The following TEX101 variants were observed in gnomAD, a reference collection of about 807,000 sequenced individuals.
TEX101 encodes testis-expressed protein 101.
TEX101 carries 10 observed loss-of-function variants against 18.1 expected under a neutral mutation model. The ratio of observed to expected loss-of-function variants is 0.55; its 90% CI spans 0.34 to 0.94. The LOEUF is 0.94. Ranked by LOEUF, TEX101 falls within the 40% of genes least tolerant of loss-of-function variation. TEX101 has a pLI of 0.02. For missense variants in TEX101, 259 were observed against 298.9 expected (o/e 0.87, Z 0.98); for synonymous variants, 94 against 114.8 (o/e 0.82, Z 1.16).
chr19:43,418,547 G>C lies in TEX101; in HGVS notation c.*150G>C. On this transcript the variant is annotated 3_prime_UTR_variant, in exon 6 of 6. Transcript: ENST00000598265. ...ATTTGACATTTTTAATACAATTTCT[G>C]CTATAATTTTTGTATGCAGTAGGCG... 2 of 671,454 alleles carry C rather than the reference G, an allele frequency of 3.0e-6. No individual in the cohort carries two copies. The highest frequency in any genetic ancestry group is 3.6e-5 in the African/African-American group (2 of 55,188). 41.6% of individuals were successfully genotyped at this position (671,454 alleles called of 1,614,324 possible). A position where few individuals can be genotyped will look rare whatever the true frequency, so the allele number is the denominator to read the frequency against.
the TEX101 span, among the ~76,000 whole-genome samples, chr19:43,389,162 G>C: frequency 6.6e-6 from 1 of 152,182 alleles, no homozygotes; most frequent in East Asian, 1.9e-4. Flanking sequence ...GGTGGAACAC[G>C]GTACATATTC....
chr19:43,414,904 C>G lies in TEX101; in HGVS notation c.-174C>G. The G allele has an allele frequency of 2.0e-6, 2 of 985,478 alleles. No individual in the cohort carries two copies. The highest frequency in any genetic ancestry group is 2.4e-6 in the Non-Finnish European group (2 of 829,960). The allele number at this position is 985,478 out of a possible 1,614,324, so 61.0% of individuals were successfully genotyped here. On this transcript the variant is annotated 5_prime_UTR_variant, in exon 1 of 6. Coordinates refer to ENST00000598265, the MANE Select transcript of TEX101 (RefSeq NM_001130011.3). Reference sequence around the variant, plus strand: ...CCTTGCGTCGTAAGAGAATGCCAAGCCCGGGGAGAAGGCGTTCCGGGCCTC... The same window carrying G: ...CCTTGCGTCGTAAGAGAATGCCAAGGCCGGGGAGAAGGCGTTCCGGGCCTC...
upstream of TEX101, among the ~76,000 whole-genome samples, chr19:43,413,437 G>A (rs558980954): frequency 6.6e-6 from 1 of 150,530 alleles, no homozygotes; most frequent in South Asian, 2.1e-4. Context: ...GGGAGGCAGA[G>A]CTTGCAGTGA....
the TEX101 span, among the ~76,000 whole-genome samples, chr19:43,389,243 C>G: frequency 6.6e-6 from 1 of 152,208 alleles, no homozygotes; most frequent in Non-Finnish European, 1.5e-5. Flanking sequence ...AAGGAGGAAG[C>G]CGGAAAGTTC....
At chr19:43,392,668 G>T in the TEX101 span, among the ~76,000 whole-genome samples, 125 of 152,186 alleles carry the variant, frequency 8.2e-4, no homozygotes, top group Non-Finnish European at 1.3e-3. Flanking sequence ...AGACACAGAG[G>T]GAAAGAGACC....
At chr19:43,399,096 A>G (rs750020101), upstream of TEX101, among the ~76,000 whole-genome samples, 12 of 152,156 alleles carry the variant, frequency 7.9e-5, no homozygotes, top group Admixed American at 4.6e-4. Flanking sequence ...GAATGCCCAC[A>G]TTCTGAATTT....
chr19:43,415,232 TGGGG>T, intron 1 of TEX101, among the ~76,000 whole-genome samples, 194 bp downstream of exon 1: 1 of 151,842 alleles, frequency 6.6e-6, no homozygotes, highest in South Asian at 2.1e-4. Flanking sequence ...AGGCTGGGGC[TGGGG>T]CTGGGGGCCG....
At chr19:43,401,501 T>C (rs1287311956) in exon 1 of TEX101, 6 of 152,212 alleles carry the variant, frequency 3.9e-5, no homozygotes, top group Non-Finnish European at 8.8e-5. Flanking sequence ...TACAGAACCA[T>C]CCATCCCATC....
intron 1 of TEX101, chr19:43,401,613 T>A (rs1970318929): frequency 6.6e-6 from 1 of 152,194 alleles, no homozygotes; most frequent in Non-Finnish European, 1.5e-5. Context: ...TCCCAGAATT[T>A]TGGGAGGCCA....
At chr19:43,409,006 C>T (rs536610450) in intron 3 of TEX101, among the ~76,000 whole-genome samples, 4 of 152,250 alleles carry the variant, frequency 2.6e-5, no homozygotes, top group African/African-American at 4.8e-5. Context: ...TACATGCAGT[C>T]AAATCAATAA....
chr19:43,390,121 A>G, the TEX101 span, among the ~76,000 whole-genome samples: 2 of 151,802 alleles, frequency 1.3e-5, no homozygotes, highest in East Asian at 3.9e-4. Flanking sequence ...CAACCACCCC[A>G]CCTACCCTCA....
At chr19:43,398,324 G>A (rs1195338036), upstream of TEX101, among the ~76,000 whole-genome samples, 1 of 143,758 alleles carries the variant, frequency 7.0e-6, no homozygotes. Context: ...TTGCCAGGCT[G>A]GAGTGCAGTG....
Position 43,418,551 on chromosome 19 carries a change from T to A in TEX101, c.*154T>A. 6.2e-6 allele frequency: 4 copies of A among 650,058 alleles called. No individual in the cohort carries two copies. The highest frequency in any genetic ancestry group is 1.0e-5 in the Non-Finnish European group (4 of 384,228). The allele number at this position is 650,058 out of a possible 1,614,324, so 40.3% of individuals were successfully genotyped here. A position where few individuals can be genotyped will look rare whatever the true frequency, so the allele number is the denominator to read the frequency against. On this transcript the variant is annotated 3_prime_UTR_variant, in exon 6 of 6. Coordinates refer to ENST00000598265, the MANE Select transcript of TEX101 (RefSeq NM_001130011.3). ...GACATTTTTAATACAATTTCTGCTA[T>A]AATTTTTGTATGCAGTAGGCGTTAC...
intron 4 of TEX101, 120 bp downstream of exon 4, chr19:43,416,675 A>G: frequency 1.1e-6 from 1 of 926,516 alleles, no homozygotes; most frequent in South Asian, 1.7e-5. Flanking sequence ...AGTACCTCAC[A>G]GTTCAAGTAA....
upstream of TEX101, among the ~76,000 whole-genome samples, chr19:43,410,931 C>T (rs575657123): frequency 1.3e-5 from 2 of 152,218 alleles, no homozygotes; most frequent in African/African-American, 2.4e-5. Context: ...AGTACAGTGG[C>T]GTTATCTCGG....
chr19:43,417,964 G>A lies in TEX101; in HGVS notation c.478G>A (p.Gly160Ser). The A allele has an allele frequency of 1.2e-6, 2 of 1,614,122 alleles. No individual in the cohort carries two copies. Among genetic ancestry groups the A allele is most frequent in the Admixed American group, 3.3e-5 (2 of 60,004 alleles). The change falls in exon 5 of 6, where the codon GGT becomes AGT. Residue 160 changes from glycine (G) to serine (S), a missense_variant. Coordinates refer to ENST00000598265, the MANE Select transcript of TEX101 (RefSeq NM_001130011.3). The stretch of plus-strand genomic sequence containing the variant: ...TGCTCCTTCTCTTCCCTGTCCCAAT[G>A]GTACAACTCGATGCTATCAAGGAAA... ...FSAPSLPCPN[G>S]TTRCYQGKLE...
chr19:43,408,167 G>T (rs916605342), intron 3 of TEX101, among the ~76,000 whole-genome samples: 11 of 152,156 alleles, frequency 7.2e-5, no homozygotes, highest in African/African-American at 2.2e-4. Flanking sequence ...CTCAGGAGGC[G>T]CCCGCCCCGC....
At chr19:43,414,136 A>AAGGGG (rs1970444974), upstream of TEX101, among the ~76,000 whole-genome samples, 1 of 141,836 alleles carries the variant, frequency 7.1e-6, no homozygotes, top group Non-Finnish European at 1.5e-5. Context: ...AAGGGAAGGG[A>AAGGGG]AGGGGAGGGG....
chr19:43,415,763 A>G, intron 1 of TEX101, 118 bp from the exon 2 acceptor site: 6 of 908,178 alleles, frequency 6.6e-6, no homozygotes, highest in South Asian at 6.4e-5. Flanking sequence ...CCGTCTCAAA[A>G]AAAAAAAAAA....
Sources: gnomAD v4.1 joint callset for allele counts (sites outside exome capture counted in the v4.1 genomes callset) on GRCh38, gnomAD v4.1.1 for gene constraint, MANE v1.5 for transcripts, NCBI Gene and HGNC (gene_info 2026-07-23, HGNC 2026-07-21) for gene names.